Variants in RHOBTB1 observed in about 807,000 individuals in gnomAD.
RHOBTB1 encodes rho-related BTB domain-containing protein 1.
RHOBTB1 carries 40 observed loss-of-function variants against 71.6 expected under a neutral mutation model. The observed-to-expected ratio is 0.56, with a 90% CI of 0.43 to 0.73. The LOEUF (loss-of-function observed/expected upper bound fraction) is 0.73, where lower values mean the gene tolerates loss of function less well. Ranked by LOEUF, RHOBTB1 falls within the 30% of genes least tolerant of loss-of-function variation. The pLI is 0.00. For missense variants in RHOBTB1, 797 were observed against 894.0 expected, an observed-to-expected ratio of 0.89 and a Z score of 1.38; for synonymous variants, 319 against 334.9, an observed-to-expected ratio of 0.95 and a Z score of 0.52.
At chr10:60,890,041 A>C (rs2081838587) in intron 5 of RHOBTB1, among the ~76,000 whole-genome samples, 1 of 152,204 alleles carries the variant, frequency 6.6e-6, no homozygotes, top group Non-Finnish European at 1.5e-5. Flanking sequence ...TCTGTTCTAC[A>C]TTCTGAGGAA....
chr10:60,878,188 G>C (rs1208980577), intron 7 of RHOBTB1, 130 bp from the exon 8 acceptor site: 1 of 661,198 alleles, frequency 1.5e-6, no homozygotes, highest in African/African-American at 1.9e-5. Flanking sequence ...CTTTGAGGCT[G>C]TGCATAGGAA....
chr10:60,874,930 G>GTTCAATCA (rs755942993), intron 9 of RHOBTB1, 24 bp downstream of exon 9: 5 of 1,515,380 alleles, frequency 3.3e-6, no homozygotes, highest in Middle Eastern at 1.7e-4. Context: ...ACACTTAAAA[G>GTTCAATCA]GTAAAAAGCA....
At chr10:60,940,433 A>G (rs1186208788) in intron 2 of RHOBTB1, among the ~76,000 whole-genome samples, 1 of 152,184 alleles carries the variant, frequency 6.6e-6, no homozygotes, top group African/African-American at 2.4e-5. Flanking sequence ...CTTGCTTAAT[A>G]TTTGGTTGTT....
rs1348814055 is a variant in RHOBTB1 at position 60,911,559 on chromosome 10, G to A, written c.-10-7C>T. The A allele has an allele frequency of 1.9e-6, 3 of 1,608,014 alleles. No individual in the cohort carries two copies. The highest frequency in any genetic ancestry group is 2.6e-6 in the Non-Finnish European group (3 of 1,175,450). On this transcript the variant is annotated splice_polypyrimidine_tract_variant and splice_region_variant and intron_variant, in intron 2 of 10. Transcript: ENST00000337910. ...AGCGTCCATTTATGAAACTCTGTAA[G>A]AAGAGAGTGAACACCACAGTAAGGA...
chr10:60,952,906 G>A lies in RHOBTB1; in HGVS notation c.-61-11052C>T, dbSNP rs115029668. 5.9e-3 allele frequency among the ~76,000 whole-genome samples: 893 copies of A among 152,238 alleles called. 5 individuals are homozygous for A. Among genetic ancestry groups the A allele is most frequent in the African/African-American group, 0.021 (863 of 41,544 alleles). On this transcript the variant is annotated intron_variant, in intron 2 of 11. Coordinates refer to the RHOBTB1 transcript ENST00000357917. Reference sequence around the variant, plus strand: ...ACTTGTGGATCAGGTGTCGATGAGCGATATGCCCTCACAACCACAAATTCA... The same window carrying A: ...ACTTGTGGATCAGGTGTCGATGAGCAATATGCCCTCACAACCACAAATTCA...
chr10:60,909,916 C>A (rs1373469612), intron 4 of RHOBTB1, among the ~76,000 whole-genome samples: 1 of 152,118 alleles, frequency 6.6e-6, no homozygotes, highest in Non-Finnish European at 1.5e-5. Context: ...TTATTTTAGG[C>A]CACTTAGATA....
chr10:60,886,269 T>G, intron 6 of RHOBTB1, 39 bp from the exon 7 acceptor site: 1 of 1,518,884 alleles, frequency 6.6e-7, no homozygotes. Flanking sequence ...TGAGCCAACT[T>G]TGCTGAGAGC....
At chr10:60,866,600 T>C (rs963964813), downstream of RHOBTB1, among the ~76,000 whole-genome samples, 1 of 151,856 alleles carries the variant, frequency 6.6e-6, no homozygotes, top group Non-Finnish European at 1.5e-5. Flanking sequence ...AAGAAAAAAA[T>C]GATTGGGAGC....
chr10:60,874,265 C>T (rs2080938241), intron 9 of RHOBTB1, among the ~76,000 whole-genome samples: 2 of 152,220 alleles, frequency 1.3e-5, no homozygotes, highest in Admixed American at 1.3e-4. Context: ...GATAATTCTG[C>T]AGATGTGCCT....
chr10:60,971,406 C>T (rs1261474578), intron 2 of RHOBTB1, among the ~76,000 whole-genome samples: 1 of 152,066 alleles, frequency 6.6e-6, no homozygotes, highest in African/African-American at 2.4e-5. Context: ...CTACAACCAT[C>T]TGATCTTTGA....
chr10:60,893,057 A>G (rs972864230), intron 4 of RHOBTB1, 62 bp from the exon 5 acceptor site: 49 of 1,292,146 alleles, frequency 3.8e-5, no homozygotes, highest in Non-Finnish European at 5.1e-5. Flanking sequence ...TTTTACCATT[A>G]TGGTTCCTCT....
At position 60,915,191 on chromosome 10, in the gene RHOBTB1, T is replaced by C. The variant is rs1261220534; in HGVS notation, c.-10-3639A>G. Among the ~76,000 whole-genome samples the C allele has an allele frequency of 2.0e-5, 3 of 152,240 alleles. No individual in the cohort carries two copies. The East Asian group carries it at 5.8e-4, about 29-fold the overall frequency. On this transcript the variant is annotated intron_variant, in intron 2 of 10. Transcript: ENST00000337910. The stretch of plus-strand genomic sequence containing the variant: ...TAAATTATGGTAGTAATTATAAAAA[T>C]ATGCAATTTTATCCTTCTCCGCTTG...
At chr10:60,900,976 A>AGAT (rs1314300514) in intron 4 of RHOBTB1, among the ~76,000 whole-genome samples, 1 of 152,232 alleles carries the variant, frequency 6.6e-6, no homozygotes, top group Non-Finnish European at 1.5e-5. Flanking sequence ...TCCAGGAATT[A>AGAT]GATTATCTCC....
At chr10:60,965,944 G>C (rs975828800) in intron 2 of RHOBTB1, among the ~76,000 whole-genome samples, 1 of 152,072 alleles carries the variant, frequency 6.6e-6, no homozygotes, top group Non-Finnish European at 1.5e-5. Flanking sequence ...AACTCATCGG[G>C]GGAAGTGGTT....
At chr10:60,943,033 G>T (rs542864323) in intron 1 of RHOBTB1, among the ~76,000 whole-genome samples, 29 of 152,222 alleles carry the variant, frequency 1.9e-4, no homozygotes, top group Admixed American at 1.6e-3. Context: ...GACTCTTCTG[G>T]TCTTAACTTC....
intron 2 of RHOBTB1, among the ~76,000 whole-genome samples, chr10:60,977,547 T>C (rs2086356466): frequency 6.6e-6 from 1 of 152,074 alleles, no homozygotes; most frequent in South Asian, 2.1e-4. Context: ...ATAAGATTTG[T>C]TTACTTTTTT....
chr10:60,926,132 G>A (rs2083868926), intron 2 of RHOBTB1, among the ~76,000 whole-genome samples: 1 of 152,146 alleles, frequency 6.6e-6, no homozygotes. Flanking sequence ...AGCTACTCGG[G>A]AGGCTGAGGC....
chr10:60,866,948 G>A (rs1303207116), downstream of RHOBTB1, among the ~76,000 whole-genome samples: 7 of 152,044 alleles, frequency 4.6e-5, no homozygotes, highest in Non-Finnish European at 1.0e-4. Flanking sequence ...TTCTCTCTTG[G>A]ATTTTTGGCC....
At chr10:60,988,258 A>C (rs368731790) in intron 1 of RHOBTB1, among the ~76,000 whole-genome samples, 2 of 152,016 alleles carry the variant, frequency 1.3e-5, no homozygotes, top group Non-Finnish European at 2.9e-5. Context: ...TTTAACACAC[A>C]GTTATATTTA....
Sources: gnomAD v4.1 joint callset for allele counts (sites outside exome capture counted in the v4.1 genomes callset) on GRCh38, gnomAD v4.1.1 for gene constraint, MANE v1.5 for transcripts, NCBI Gene and HGNC (gene_info 2026-07-23, HGNC 2026-07-21) for gene names.